The following SLC25A17 variants were observed in gnomAD, a reference collection of about 807,000 sequenced individuals.
SLC25A17 encodes the protein peroxisomal membrane protein PMP34.
Under a neutral mutation model 38.5 loss-of-function variants are expected in SLC25A17, and 26 were observed. The observed-to-expected ratio is 0.68, with a 90% CI of 0.50 to 0.94. The LOEUF is 0.94. SLC25A17 is among the 40% of genes least tolerant of loss of function. The probability of loss-of-function intolerance (pLI) is 0.00; values close to 1 mark genes in which losing one functional copy is unlikely to be tolerated. For missense variants in SLC25A17, 333 were observed against 372.7 expected (o/e 0.89, Z 0.88); for synonymous variants, 139 against 136.2 (o/e 1.02, Z -0.14).
intron 1 of SLC25A17, among the ~76,000 whole-genome samples, chr22:40,816,760 A>G (rs1180903824): frequency 1.3e-5 from 2 of 151,808 alleles, no homozygotes; most frequent in African/African-American, 2.4e-5. Flanking sequence ...ACAGGCGCCC[A>G]CCACCATGCC....
intron 2 of SLC25A17, among the ~76,000 whole-genome samples, chr22:40,797,887 A>T (rs1162737573): frequency 1.3e-5 from 2 of 152,174 alleles, no homozygotes; most frequent in African/African-American, 4.8e-5. Context: ...TGTGGCCACA[A>T]GGACATCTGA....
intron 3 of SLC25A17, among the ~76,000 whole-genome samples, chr22:40,793,385 CAT>C (rs1569406508): frequency 6.6e-6 from 1 of 152,162 alleles, no homozygotes; most frequent in African/African-American, 2.4e-5. Flanking sequence ...AGTATCTCCA[CAT>C]AGACTGCTTA....
intron 8 of SLC25A17, among the ~76,000 whole-genome samples, chr22:40,773,451 G>T (rs1401843070): frequency 1.4e-5 from 2 of 143,774 alleles, no homozygotes; most frequent in African/African-American, 5.1e-5. Context: ...GATTACCTAT[G>T]TGTAGCCTCT....
At chr22:40,812,961 CA>C (rs1380514648) in intron 1 of SLC25A17, among the ~76,000 whole-genome samples, 1 of 152,290 alleles carries the variant, frequency 6.6e-6, no homozygotes, top group East Asian at 1.9e-4. Flanking sequence ...AAGCCACTTA[CA>C]ATGGCTTTCA....
At chr22:40,792,488 A>G (rs1349843294) in intron 4 of SLC25A17, 37 bp downstream of exon 4, 1 of 1,533,708 alleles carries the variant, frequency 6.5e-7, no homozygotes, top group Non-Finnish European at 8.8e-7. Flanking sequence ...CCACAAGGTA[A>G]ATATAAAAAC....
intron 1 of SLC25A17, among the ~76,000 whole-genome samples, chr22:40,804,467 C>T (rs771257667): frequency 4.6e-5 from 7 of 151,940 alleles, no homozygotes; most frequent in Non-Finnish European, 1.0e-4. Context: ...TGATGTTGAG[C>T]TTTTTTTTAA....
intron 2 of SLC25A17, among the ~76,000 whole-genome samples, chr22:40,795,579 C>A (rs1334231616): frequency 1.3e-5 from 2 of 152,208 alleles, no homozygotes; most frequent in Non-Finnish European, 2.9e-5. Context: ...CGTGAGCCAC[C>A]ACGCCCAGCC....
chr22:40,775,557 G>A (rs1044147571), intron 7 of SLC25A17, among the ~76,000 whole-genome samples: 5 of 145,792 alleles, frequency 3.4e-5, no homozygotes, highest in Non-Finnish European at 6.0e-5. Flanking sequence ...TCCGCTTCCC[G>A]GGTTCACGCC....
At chr22:40,792,013 G>T (rs1308676171) in intron 4 of SLC25A17, among the ~76,000 whole-genome samples, 1 of 152,106 alleles carries the variant, frequency 6.6e-6, no homozygotes, top group African/African-American at 2.4e-5. Flanking sequence ...TGGATAAACA[G>T]AATGTGATAT....
At chr22:40,794,055 G>T (rs1006222973) in intron 3 of SLC25A17, among the ~76,000 whole-genome samples, 1 of 152,142 alleles carries the variant, frequency 6.6e-6, no homozygotes, top group Non-Finnish European at 1.5e-5. Context: ...AACAGGAAAA[G>T]ATGTTAACAG....
intron 5 of SLC25A17, among the ~76,000 whole-genome samples, chr22:40,778,734 A>G (rs1053986034): frequency 6.6e-6 from 1 of 152,252 alleles, no homozygotes; most frequent in Non-Finnish European, 1.5e-5. Flanking sequence ...ATGGGATCTA[A>G]TTAAACTAAA....
intron 8 of SLC25A17, among the ~76,000 whole-genome samples, chr22:40,771,200 C>T (rs1051290852): frequency 1.3e-5 from 2 of 152,134 alleles, no homozygotes; most frequent in East Asian, 3.9e-4. Flanking sequence ...CTCCGCCTCC[C>T]GAGTTCATGC....
rs1176716451 is a variant in SLC25A17 at position 40,800,807 on chromosome 22, T to A, written c.55-1724A>T. Among the ~76,000 whole-genome samples, 14 of 135,234 alleles carry A rather than the reference T, an allele frequency of 1.0e-4. No homozygotes were observed. The Middle Eastern group carries it at 0.013, about 124-fold the overall frequency. 88.7% of individuals were successfully genotyped at this position (135,234 alleles called of 152,430 possible). A position where few individuals can be genotyped will look rare whatever the true frequency, so the allele number is the denominator to read the frequency against. ...TCTGCCTCAAAAAAAAAAAAAAAAA[T>A]TTTGAATAAAGGCCAGGCATGATGG... is the stretch of plus-strand genomic sequence containing the variant. On this transcript the variant is annotated intron_variant, in intron 1 of 8. Coordinates refer to ENST00000435456, the MANE Select transcript of SLC25A17 (RefSeq NM_006358.4).
chr22:40,770,989 G>A lies in SLC25A17; in HGVS notation c.777-8C>T. ...CCCATTATTCCAAAACGTCTAAAGG[G>A]AAAGAGGTTTGAAAAAACAGAAGTC... is the stretch of plus-strand genomic sequence containing the variant. On this transcript the variant is annotated splice_polypyrimidine_tract_variant and splice_region_variant and intron_variant, in intron 8 of 8. Transcript: ENST00000435456. 1 of 1,560,100 alleles carries A rather than the reference G, an allele frequency of 6.4e-7. No homozygotes were observed. Among genetic ancestry groups the A allele is most frequent in the Non-Finnish European group, 8.7e-7 (1 of 1,148,092 alleles).
At chr22:40,818,365 G>A (rs1230932522) in intron 1 of SLC25A17, among the ~76,000 whole-genome samples, 1 of 152,092 alleles carries the variant, frequency 6.6e-6, no homozygotes, top group African/African-American at 2.4e-5. Context: ...AGAATCAAGC[G>A]TATACCTCAT....
chr22:40,795,256 T>C (rs1386490503), intron 2 of SLC25A17, among the ~76,000 whole-genome samples: 2 of 152,028 alleles, frequency 1.3e-5, no homozygotes, highest in African/African-American at 4.8e-5. Context: ...CTAATTTAAT[T>C]CCTAATTTCC....
intron 5 of SLC25A17, among the ~76,000 whole-genome samples, 164 bp downstream of exon 5, chr22:40,778,845 T>C (rs908426596): frequency 2.6e-5 from 4 of 151,840 alleles, no homozygotes; most frequent in Non-Finnish European, 5.9e-5. Context: ...AGGGCTAATA[T>C]CCAGAATCAA....
At chr22:40,786,531 C>T (rs2145665169) in intron 4 of SLC25A17, among the ~76,000 whole-genome samples, 2 of 152,294 alleles carry the variant, frequency 1.3e-5, no homozygotes, top group East Asian at 3.9e-4. Context: ...TCCTCCCATA[C>T]ACTTTAATGT....
At chr22:40,786,815 T>G (rs541647774) in intron 4 of SLC25A17, among the ~76,000 whole-genome samples, 9 of 152,266 alleles carry the variant, frequency 5.9e-5, no homozygotes, top group Non-Finnish European at 8.8e-5. Context: ...ATATTCAAGA[T>G]TTTTGGTGGA....
Sources: gnomAD v4.1 joint callset for allele counts (sites outside exome capture counted in the v4.1 genomes callset) on GRCh38, gnomAD v4.1.1 for gene constraint, MANE v1.5 for transcripts, NCBI Gene and HGNC (gene_info 2026-07-23, HGNC 2026-07-21) for gene names.